GALNT10: variants seen among roughly 807,000 people sequenced by gnomAD.
The protein encoded by GALNT10 is GalNAc transferase 10.
A neutral mutation model predicts 75.0 loss-of-function variants in GALNT10; 41 were observed. The observed-to-expected ratio is 0.55, with a 90% CI of 0.43 to 0.71. GALNT10 has a LOEUF of 0.71. GALNT10 is among the 30% of genes least tolerant of loss of function. The pLI, the probability that GALNT10 is intolerant of heterozygous loss-of-function variation, is 0.00. For synonymous variants in GALNT10, 302 were observed against 313.0 expected (o/e 0.96, Z 0.37); for missense variants, 727 against 818.5 (o/e 0.89, Z 1.36).
intron 1 of GALNT10, among the ~76,000 whole-genome samples, chr5:154,254,859 C>T (rs144333745): frequency 3.2e-3 from 480 of 152,262 alleles, no homozygotes; most frequent in Non-Finnish European, 3.9e-3. Flanking sequence ...GGTAATTTAG[C>T]AGCTCAATAA....
intron 1 of GALNT10, among the ~76,000 whole-genome samples, chr5:154,210,247 C>T (rs1162584417): frequency 1.3e-5 from 2 of 152,180 alleles, no homozygotes; most frequent in Non-Finnish European, 2.9e-5. Flanking sequence ...CTCTGATCTC[C>T]AACAAGCCAT....
chr5:154,330,908 G>GTGTGTGTGTGTGT (rs1754848603), intron 4 of GALNT10, among the ~76,000 whole-genome samples: 208 of 126,036 alleles, frequency 1.7e-3, no homozygotes, highest in African/African-American at 5.2e-3. Flanking sequence ...AGACAGAGAG[G>GTGTGTGTGTGTGT]GTGTGTGTGT....
chr5:154,273,821 G>C (rs1486593090), intron 1 of GALNT10, among the ~76,000 whole-genome samples: 1 of 152,162 alleles, frequency 6.6e-6, no homozygotes, highest in East Asian at 1.9e-4. Context: ...TTTCAAACTT[G>C]TTTTTTAAAG....
At chr5:154,398,882 G>A (rs1756101739) in intron 7 of GALNT10, among the ~76,000 whole-genome samples, 1 of 152,192 alleles carries the variant, frequency 6.6e-6, no homozygotes, top group South Asian at 2.1e-4. Flanking sequence ...TCAGGCCATA[G>A]GGTGAAAAAA....
Position 154,327,181 on chromosome 5 carries a change from A to C in GALNT10, c.402-2391A>C, listed in dbSNP as rs1211180779. Among the ~76,000 whole-genome samples the C allele has an allele frequency of 5.3e-5, 8 of 151,770 alleles. No homozygotes were observed. The East Asian group carries it at 1.4e-3, about 26-fold the overall frequency. ...CATTGAGCCGAGATTGTGTCACTGC[A>C]CTCCAGCCTGGGTGACAGATTGAGA... On this transcript the variant is annotated intron_variant, in intron 3 of 11. Coordinates refer to ENST00000297107, the MANE Select transcript of GALNT10 (RefSeq NM_198321.4).
chr5:154,206,790 G>A (rs1264685168), intron 1 of GALNT10, among the ~76,000 whole-genome samples: 2 of 152,236 alleles, frequency 1.3e-5, no homozygotes, highest in East Asian at 3.8e-4. Flanking sequence ...TGATTGCTAG[G>A]CCAGGGAGGC....
intron 4 of GALNT10, among the ~76,000 whole-genome samples, chr5:154,332,260 C>T (rs781651641): frequency 2.0e-5 from 3 of 152,216 alleles, no homozygotes; most frequent in East Asian, 1.9e-4. Context: ...CCCTCAGGTA[C>T]GGGCTGCCTG....
chr5:154,329,970 A>AAAAAC, intron 4 of GALNT10: 1 of 369,054 alleles, frequency 2.7e-6, no homozygotes, highest in Non-Finnish European at 4.9e-6. Context: ...GCAAAAAAAA[A>AAAAAC]AAAAAAACAG....
At chr5:154,373,266 AG>A (rs1049213429) in intron 4 of GALNT10, among the ~76,000 whole-genome samples, 1 of 152,226 alleles carries the variant, frequency 6.6e-6, no homozygotes, top group African/African-American at 2.4e-5. Flanking sequence ...GCTCTGAGCT[AG>A]GTTATAATCA....
chr5:154,295,414 G>T (rs1012966326), intron 2 of GALNT10, among the ~76,000 whole-genome samples: 4 of 147,046 alleles, frequency 2.7e-5, no homozygotes, highest in African/African-American at 1.0e-4. Flanking sequence ...CGCTAAGAGG[G>T]GTGGTAATCT....
chr5:154,211,785 C>T (rs758493282), intron 1 of GALNT10, among the ~76,000 whole-genome samples: 9 of 152,100 alleles, frequency 5.9e-5, no homozygotes, highest in Non-Finnish European at 1.2e-4. Context: ...CGCAGTTCCT[C>T]AACACAAGAC....
chr5:154,191,152 C>A, intron 1 of GALNT10, 127 bp downstream of exon 1: 1 of 636,946 alleles, frequency 1.6e-6, no homozygotes, highest in Non-Finnish European at 2.3e-6. Context: ...TCAGCTCTTC[C>A]CATTTTCCGG....
rs1414772939 is a variant in GALNT10 at position 154,383,479 on chromosome 5, C to T, written c.939-2834C>T. On this transcript the variant is annotated intron_variant, in intron 6 of 11. Coordinates refer to ENST00000297107, the MANE Select transcript of GALNT10 (RefSeq NM_198321.4). ...GATGGTGTCAGTAAAGTAAGTAGCACACACTGGACACTCAGAATTGTTACT... is the reference window on the plus strand; with the variant it reads ...GATGGTGTCAGTAAAGTAAGTAGCATACACTGGACACTCAGAATTGTTACT... Among the ~76,000 whole-genome samples the T allele has an allele frequency of 2.0e-5, 3 of 152,192 alleles. 1 individual carries two copies. Among genetic ancestry groups the T allele is most frequent in the African/African-American group, 7.2e-5 (3 of 41,436 alleles).
In GALNT10 at chr5:154,376,787, T is replaced by G. The variant is rs1755657788; in HGVS notation, c.754+325T>G. 6.6e-6 allele frequency among the ~76,000 whole-genome samples: 1 copy of G among 152,206 alleles called. No homozygotes were observed. The highest frequency in any genetic ancestry group is 2.4e-5 in the African/African-American group (1 of 41,448). On this transcript the variant is annotated intron_variant, in intron 5 of 11. Transcript: ENST00000297107. The surrounding 1 kb of genome is among the most constrained non-coding windows in gnomAD (Gnocchi z 4.1). ...TATTGCAAAGCAAGCCCGTGCTGTTTGCTGTTAATAGCCAAACTGTGGGGG... is the reference window on the plus strand; with the variant it reads ...TATTGCAAAGCAAGCCCGTGCTGTTGGCTGTTAATAGCCAAACTGTGGGGG...
At chr5:154,335,079 A>T (rs746627067) in intron 4 of GALNT10, among the ~76,000 whole-genome samples, 4 of 152,182 alleles carry the variant, frequency 2.6e-5, no homozygotes, top group Non-Finnish European at 4.4e-5. Context: ...TTTGCTTCTG[A>T]CACCACCACA....
At chr5:154,250,094 T>A (rs1753490733) in intron 1 of GALNT10, among the ~76,000 whole-genome samples, 1 of 152,188 alleles carries the variant, frequency 6.6e-6, no homozygotes, top group Non-Finnish European at 1.5e-5. Flanking sequence ...TTCCCGGGGA[T>A]CAACTCCTTT....
At chr5:154,305,966 C>T (rs6864084) in intron 3 of GALNT10, among the ~76,000 whole-genome samples, 25,962 of 152,002 alleles carry the variant, frequency 0.17, 2,352 homozygotes, top group African/African-American at 0.19. Flanking sequence ...TGCAGTGAGC[C>T]GAGATTGCGC....
In GALNT10 at chr5:154,245,167, A is replaced by G. The variant is rs569088829; in HGVS notation, c.160-49649A>G. Among the ~76,000 whole-genome samples the G allele has an allele frequency of 9.9e-4, 151 of 152,266 alleles. 1 individual carries two copies. The highest frequency in any genetic ancestry group is 3.4e-3 in the African/African-American group (143 of 41,550). On this transcript the variant is annotated intron_variant, in intron 1 of 11. Coordinates refer to ENST00000297107, the MANE Select transcript of GALNT10 (RefSeq NM_198321.4). ...TGTTGAAGACTTGTGTGGTGATGCA[A>G]GGGGGTGGAGATGACAACTAGAGCC...
At chr5:154,358,144 A>C (rs927172287) in intron 4 of GALNT10, among the ~76,000 whole-genome samples, 1 of 152,192 alleles carries the variant, frequency 6.6e-6, no homozygotes, top group Non-Finnish European at 1.5e-5. Flanking sequence ...TCCCTAAATA[A>C]AGCCCATGGA....
Sources: allele counts gnomAD v4.1 joint callset (sites outside exome capture counted in the v4.1 genomes callset), GRCh38; gene constraint gnomAD v4.1.1; non-coding constraint Gnocchi (gnomAD v3.1); transcripts MANE v1.5; gene names NCBI Gene and HGNC (gene_info 2026-07-23, HGNC 2026-07-21).